PLSCR4: variants seen among roughly 807,000 people sequenced by gnomAD.
PLSCR4 encodes the protein Ca(2+)-dependent phospholipid scramblase 4.
Under a neutral mutation model 36.3 loss-of-function variants are expected in PLSCR4, and 25 were observed. The ratio of observed to expected loss-of-function variants is 0.69; its 90% CI spans 0.50 to 0.96. The LOEUF is 0.96. Ranked by LOEUF, PLSCR4 falls within the 40% of genes least tolerant of loss-of-function variation. PLSCR4 has a pLI of 0.00. For synonymous variants in PLSCR4, 122 were observed against 132.9 expected, an observed-to-expected ratio of 0.92 and a Z score of 0.56; for missense variants, 408 against 414.7, an observed-to-expected ratio of 0.98 and a Z score of 0.14.
At chr3:146,223,416 T>C (rs2035267553) in intron 1 of PLSCR4, among the ~76,000 whole-genome samples, 1 of 151,850 alleles carries the variant, frequency 6.6e-6, no homozygotes, top group African/African-American at 2.4e-5. Context: ...TCTCTGATTA[T>C]AACAACTCTC....
At chr3:146,212,777 CCTGT>C (rs1248032695) in intron 3 of PLSCR4, among the ~76,000 whole-genome samples, 2 of 151,980 alleles carry the variant, frequency 1.3e-5, no homozygotes, top group Admixed American at 6.6e-5. Context: ...AGAAAGATAC[CCTGT>C]CTCATTCTTG....
intron 4 of PLSCR4, among the ~76,000 whole-genome samples, chr3:146,203,950 A>C (rs533650659): frequency 6.6e-6 from 1 of 152,038 alleles, no homozygotes; most frequent in Non-Finnish European, 1.5e-5. Flanking sequence ...CTTTTGGCCT[A>C]TCTCAACTTT....
chr3:146,199,991 G>C lies in PLSCR4; in HGVS notation c.446C>G (p.Ser149Ter). The change falls in exon 6 of 9, where the codon TCA (serine) becomes TGA (stop). Residue 149 changes from serine (S) to a stop codon, truncating the protein, a stop_gained. Coordinates refer to ENST00000354952, the MANE Select transcript of PLSCR4 (RefSeq NM_020353.3). LOFTEE classifies it high-confidence loss of function. ...GGTTACAATGTAAACCATCTGGTCT[G>C]AGTTGTTTTTAATATCATATCTATT... is the stretch of plus-strand genomic sequence containing the variant. The part of the protein sequence containing the change: ...TNNRYDIKNN[S>*]DQMVYIVTED... 2 of 1,611,624 alleles carry C rather than the reference G, an allele frequency of 1.2e-6. No homozygotes were observed. Among genetic ancestry groups the C allele is most frequent in the Admixed American group, 1.7e-5 (1 of 59,846 alleles).
At chr3:146,230,245 C>T (rs1156547843) in intron 1 of PLSCR4, among the ~76,000 whole-genome samples, 1 of 152,076 alleles carries the variant, frequency 6.6e-6, no homozygotes, top group Non-Finnish European at 1.5e-5. Flanking sequence ...CATACACATA[C>T]ATACATATTT....
intron 3 of PLSCR4, among the ~76,000 whole-genome samples, chr3:146,216,419 A>G (rs1228073653): frequency 6.6e-6 from 1 of 151,424 alleles, no homozygotes; most frequent in Non-Finnish European, 1.5e-5. Flanking sequence ...TGTTAGAGAA[A>G]GCTATGTTGA....
At chr3:146,213,235 C>T (rs2034715119) in intron 3 of PLSCR4, among the ~76,000 whole-genome samples, 1 of 151,426 alleles carries the variant, frequency 6.6e-6, no homozygotes, top group African/African-American at 2.4e-5. Context: ...ATACTGGCCT[C>T]TAGAATTAGC....
At chr3:146,226,563 T>C (rs926118559) in intron 1 of PLSCR4, among the ~76,000 whole-genome samples, 2 of 152,192 alleles carry the variant, frequency 1.3e-5, no homozygotes, top group African/African-American at 4.8e-5. Flanking sequence ...TGAATATTAA[T>C]TTTTAAATAT....
intron 5 of PLSCR4, among the ~76,000 whole-genome samples, chr3:146,200,577 C>T (rs141008692): frequency 7.2e-5 from 11 of 152,166 alleles, no homozygotes; most frequent in Non-Finnish European, 1.3e-4. Context: ...CTTCTTACTT[C>T]CAAAGCGAGG....
intron 1 of PLSCR4, among the ~76,000 whole-genome samples, chr3:146,240,180 AAAAT>A: frequency 6.6e-6 from 1 of 152,346 alleles, no homozygotes; most frequent in South Asian, 2.1e-4. Flanking sequence ...CTCCAACTCA[AAAAT>A]AAAGACATCT....
intron 1 of PLSCR4, among the ~76,000 whole-genome samples, chr3:146,234,627 T>C (rs183366450): frequency 3.3e-5 from 5 of 151,994 alleles, no homozygotes; most frequent in African/African-American, 7.2e-5. Context: ...AAAGGGTAAA[T>C]AAAACCTCAT....
At chr3:146,205,857 G>T (rs1054263026) in intron 4 of PLSCR4, among the ~76,000 whole-genome samples, 8 of 151,992 alleles carry the variant, frequency 5.3e-5, no homozygotes, top group African/African-American at 1.9e-4. Context: ...TCATTAAGCA[G>T]GTTTTTTAGT....
At chr3:146,199,782 C>T (rs766214888) in intron 6 of PLSCR4, 31 bp downstream of exon 6, 1 of 1,537,230 alleles carries the variant, frequency 6.5e-7, no homozygotes. Flanking sequence ...AGATCAGAAG[C>T]AAGCTGTGGA....
At position 146,192,640 on chromosome 3, in the gene PLSCR4, G is replaced by A. The variant is rs943262469; in HGVS notation, c.*1771C>T. 2 of 151,672 alleles carry A rather than the reference G, an allele frequency of 1.3e-5. No homozygotes were observed. Among genetic ancestry groups the A allele is most frequent in the Non-Finnish European group, 2.9e-5 (2 of 67,904 alleles). 9.4% of individuals were successfully genotyped at this position (151,672 alleles called of 1,614,324 possible). A position where few individuals can be genotyped will look rare whatever the true frequency, so the allele number is the denominator to read the frequency against. On this transcript the variant is annotated 3_prime_UTR_variant, in exon 9 of 9. Transcript: ENST00000354952. ...GATGCAGCAGGTTTTGGAATACAGGGATTTAGGCAAGTTAAAAATAAAAAG... is the reference window on the plus strand; with the variant it reads ...GATGCAGCAGGTTTTGGAATACAGGAATTTAGGCAAGTTAAAAATAAAAAG...
At position 146,193,053 on chromosome 3, in the gene PLSCR4, A is replaced by G. The variant is rs1363328304; in HGVS notation, c.*1358T>C. On this transcript the variant is annotated 3_prime_UTR_variant, in exon 9 of 9. Coordinates refer to ENST00000354952, the MANE Select transcript of PLSCR4 (RefSeq NM_020353.3). ...CCCATTCTACATACTGACTGTGTTA[A>G]AAAAAAAAAATGCAGTCCATATGCA... 1.3e-4 allele frequency: 1 copy of G among 7,430 alleles called. No individual in the cohort carries two copies. Among genetic ancestry groups the G allele is most frequent in the Non-Finnish European group, 2.6e-4 (1 of 3,848 alleles). The allele number at this position is 7,430 out of a possible 1,614,324, so 0.5% of individuals were successfully genotyped here. A position where few individuals can be genotyped will look rare whatever the true frequency, so the allele number is the denominator to read the frequency against.
At chr3:146,203,335 C>G (rs960271833) in intron 4 of PLSCR4, among the ~76,000 whole-genome samples, 2 of 151,554 alleles carry the variant, frequency 1.3e-5, no homozygotes, top group Admixed American at 1.3e-4. Flanking sequence ...TCTTGGGTGA[C>G]CAGATGTGTT....
chr3:146,206,380 G>A, intron 4 of PLSCR4, 146 bp downstream of exon 4: 4 of 617,552 alleles, frequency 6.5e-6, no homozygotes, highest in Non-Finnish European at 1.2e-5. Context: ...TTCTGAAACT[G>A]GTATCACTGT....
At position 146,251,029 on chromosome 3, in the gene PLSCR4, G is replaced by C. The variant is rs958287217; in HGVS notation, c.-91C>G. The C allele has an allele frequency of 6.5e-6, 1 of 152,898 alleles. No individual in the cohort carries two copies. The highest frequency in any genetic ancestry group is 2.4e-5 in the African/African-American group (1 of 41,470). The allele number at this position is 152,898 out of a possible 1,614,324, so 9.5% of individuals were successfully genotyped here. On this transcript the variant is annotated 5_prime_UTR_variant, in exon 1 of 9. Coordinates refer to ENST00000354952, the MANE Select transcript of PLSCR4 (RefSeq NM_020353.3). The stretch of plus-strand genomic sequence containing the variant: ...GGTCTAGTTGTACTGGCAGAGGAAA[G>C]GGAAAGGAAAGGAGGCAGGGAAGGG...
chr3:146,246,818 GATGTT>G (rs2036357278), intron 1 of PLSCR4, among the ~76,000 whole-genome samples: 1 of 152,080 alleles, frequency 6.6e-6, no homozygotes, highest in Admixed American at 6.5e-5. Context: ...TTAAAAAACA[GATGTT>G]ATGTGCAAAC....
intron 4 of PLSCR4, among the ~76,000 whole-genome samples, chr3:146,206,088 G>A (rs572077512): frequency 6.6e-6 from 1 of 152,164 alleles, no homozygotes; most frequent in East Asian, 1.9e-4. Flanking sequence ...GGTGACAAGA[G>A]TAGCTAATGA....
Sources: allele counts gnomAD v4.1 joint callset (sites outside exome capture counted in the v4.1 genomes callset), GRCh38; gene constraint gnomAD v4.1.1; transcripts MANE v1.5; gene names NCBI Gene and HGNC (gene_info 2026-07-23, HGNC 2026-07-21).